NEK1: variants seen among roughly 807,000 people sequenced by gnomAD.
NEK1 encodes the protein NIMA related kinase 1, also known as serine/threonine-protein kinase Nek1.
A neutral mutation model predicts 182.1 loss-of-function variants in NEK1; 137 were observed. The ratio of observed to expected loss-of-function variants is 0.75; its 90% CI spans 0.65 to 0.87. The LOEUF is 0.87. Ranked by LOEUF, NEK1 falls within the 40% of genes least tolerant of loss-of-function variation. The pLI is 0.00. For missense variants in NEK1, 1,391 were observed against 1,494.4 expected (o/e 0.93, Z 1.14); for synonymous variants, 513 against 492.2 (o/e 1.04, Z -0.56).
At chr4:169,498,997 T>A (rs1751907402) in intron 23 of NEK1, among the ~76,000 whole-genome samples, 2 of 152,210 alleles carry the variant, frequency 1.3e-5, no homozygotes, top group Admixed American at 1.3e-4. Flanking sequence ...TACTGCAGAG[T>A]GTTTTCCAAC....
intron 5 of NEK1, among the ~76,000 whole-genome samples, chr4:169,593,274 T>C (rs1273440601): frequency 1.3e-5 from 2 of 152,214 alleles, no homozygotes; most frequent in African/African-American, 4.8e-5. Flanking sequence ...AAGTCTTCCA[T>C]TATAGCATAA....
chr4:169,504,957 T>C (rs1021695795), intron 23 of NEK1, among the ~76,000 whole-genome samples: 7 of 152,168 alleles, frequency 4.6e-5, no homozygotes, highest in Admixed American at 2.6e-4. Context: ...AGTTTGCATT[T>C]ATGCCTGTAT....
intron 23 of NEK1, among the ~76,000 whole-genome samples, chr4:169,504,749 A>G (rs1752954594): frequency 6.6e-6 from 1 of 152,222 alleles, no homozygotes; most frequent in African/African-American, 2.4e-5. Context: ...TAGTGCATGA[A>G]AGTGGGAATG....
intron 19 of NEK1, 87 bp downstream of exon 19, chr4:169,537,722 A>C (rs1758731225): frequency 3.0e-6 from 3 of 996,262 alleles, no homozygotes; most frequent in South Asian, 1.3e-5. Flanking sequence ...TTAGACTGTC[A>C]TTCTTTTTAC....
At chr4:169,472,183 A>C (rs920076699) in intron 26 of NEK1, among the ~76,000 whole-genome samples, 3 of 152,062 alleles carry the variant, frequency 2.0e-5, no homozygotes, top group Admixed American at 1.3e-4. Flanking sequence ...AACAAAAAAA[A>C]ACAAAAAACT....
intron 30 of NEK1, 111 bp downstream of exon 30, chr4:169,426,035 T>G (rs939203256): frequency 1.3e-6 from 1 of 741,466 alleles, no homozygotes; most frequent in Non-Finnish European, 2.2e-6. Flanking sequence ...ATGATTGAGA[T>G]GACTGATAAG....
At chr4:169,549,145 G>A (rs917985651) in intron 18 of NEK1, among the ~76,000 whole-genome samples, 3 of 152,326 alleles carry the variant, frequency 2.0e-5, no homozygotes, top group East Asian at 3.9e-4. Flanking sequence ...GAAGACCGTC[G>A]GAAAAGCACA....
intron 19 of NEK1, among the ~76,000 whole-genome samples, chr4:169,509,937 C>A (rs1405581642): frequency 6.6e-6 from 1 of 152,088 alleles, no homozygotes; most frequent in African/African-American, 2.4e-5. Context: ...TATCCTGAAT[C>A]TCTTCCCACA....
At chr4:169,546,671 C>A (rs576589277) in intron 18 of NEK1, among the ~76,000 whole-genome samples, 2 of 152,226 alleles carry the variant, frequency 1.3e-5, no homozygotes, top group African/African-American at 4.8e-5. Flanking sequence ...GTATTGGGTA[C>A]GTATATATTT....
chr4:169,515,523 C>A (rs972413379), intron 19 of NEK1, among the ~76,000 whole-genome samples: 6 of 142,748 alleles, frequency 4.2e-5, no homozygotes, highest in African/African-American at 7.9e-5. Flanking sequence ...TTATTATACT[C>A]TAAGTTTTAG....
intron 19 of NEK1, among the ~76,000 whole-genome samples, chr4:169,522,834 T>C (rs1756305790): frequency 6.6e-6 from 1 of 152,200 alleles, no homozygotes; most frequent in Non-Finnish European, 1.5e-5. Flanking sequence ...GGATTCCCCT[T>C]TTCCAGTCCT....
At chr4:169,486,031 G>C (rs1748979054) in intron 23 of NEK1, among the ~76,000 whole-genome samples, 2 of 151,996 alleles carry the variant, frequency 1.3e-5, no homozygotes, top group Non-Finnish European at 2.9e-5. Flanking sequence ...GAGTGACAGA[G>C]CAAGACCCTG....
chr4:169,413,244 T>A (rs1733973108), intron 31 of NEK1, among the ~76,000 whole-genome samples: 1 of 151,980 alleles, frequency 6.6e-6, no homozygotes. Context: ...CACGGCTTAC[T>A]GCAGCCTTGA....
intron 16 of NEK1, among the ~76,000 whole-genome samples, chr4:169,557,211 C>A (rs1377924545): frequency 6.6e-6 from 1 of 151,730 alleles, no homozygotes; most frequent in Non-Finnish European, 1.5e-5. Flanking sequence ...CCAAGAAAGG[C>A]AATCAATGAA....
At chr4:169,545,512 T>A (rs529865084) in intron 18 of NEK1, among the ~76,000 whole-genome samples, 1 of 149,722 alleles carries the variant, frequency 6.7e-6, no homozygotes, top group Non-Finnish European at 1.5e-5. Flanking sequence ...AATAAACATA[T>A]GTGTGCATGT....
At position 169,424,742 on chromosome 4, in the gene NEK1, C is replaced by T. The variant is rs7655924; in HGVS notation, c.3033G>A (p.Pro1011=). The change falls in exon 31 of 36, where the codon CCG becomes CCA. Residue 1011 remains proline, a synonymous_variant. Coordinates refer to ENST00000507142, the MANE Select transcript of NEK1 (RefSeq NM_001199397.3). ...SKCDVDKSVQ[P]EPFFHKVVHS... ...GAACCACCTTATGGAAAAATGGTTCCGGTTGCACAGACTTATCTACATCAC... is the reference window on the plus strand; with the variant it reads ...GAACCACCTTATGGAAAAATGGTTCTGGTTGCACAGACTTATCTACATCAC... 0.068 allele frequency: 109,327 copies of T among 1,613,538 alleles called. 4,331 individuals are homozygous for T. The highest frequency in any genetic ancestry group is 0.16 in the African/African-American group (12,248 of 74,944).
rs200775951 is a variant in NEK1, at chr4:169,401,696, T to G, written c.3539A>C (p.Asp1180Ala). ...CAGGGCACTTTCACTGCTGGGATTG[T>G]CATCTTCATCTGCCACATCTGTCCC... ...ANGTDVADED[D>A]NPSSESALNE... is the part of the protein sequence containing the mutation. Residue 1180 changes from aspartate to alanine, a missense_variant, in exon 33 of 36, where the codon GAC becomes GCC. Coordinates refer to ENST00000507142, the MANE Select transcript of NEK1 (RefSeq NM_001199397.3). 18 of 1,613,808 alleles carry G rather than the reference T, an allele frequency of 1.1e-5. No individual in the cohort carries two copies. The highest frequency in any genetic ancestry group is 1.4e-5 in the Non-Finnish European group (16 of 1,179,816).
At chr4:169,424,914 G>A in intron 30 of NEK1, 114 bp from the exon 31 acceptor site, 1 of 1,093,760 alleles carries the variant, frequency 9.1e-7, no homozygotes, top group Non-Finnish European at 1.3e-6. Flanking sequence ...CACATATCAG[G>A]AAAATAAAAT....
chr4:169,537,694 C>G, intron 19 of NEK1, 115 bp downstream of exon 19: 1 of 801,726 alleles, frequency 1.2e-6, no homozygotes, highest in Non-Finnish European at 2.2e-6. Context: ...TTTACTGCCT[C>G]TTATTATGCC....
Sources: allele counts gnomAD v4.1 joint callset (sites outside exome capture counted in the v4.1 genomes callset), GRCh38; gene constraint gnomAD v4.1.1; transcripts MANE v1.5; gene names NCBI Gene and HGNC (gene_info 2026-07-23, HGNC 2026-07-21).